Variants in RTN1 observed in about 807,000 individuals in gnomAD.
RTN1 encodes reticulon-1.
A neutral mutation model predicts 65.5 loss-of-function variants in RTN1; 25 were observed. The observed-to-expected ratio is 0.38, with a 90% CI of 0.28 to 0.53. The LOEUF is 0.53. Ranked by LOEUF, RTN1 falls within the 20% of genes least tolerant of loss-of-function variation. RTN1 has a pLI of 0.79. For missense variants in RTN1, 983 were observed against 1,025.4 expected (o/e 0.96, Z 0.57); for synonymous variants, 471 against 447.6 (o/e 1.05, Z -0.66).
In RTN1 at chr14:59,607,505, C is replaced by A; in HGVS notation, c.1766-13G>T. ...AACAGGTCAATAGCTGCAGGAGACA[C>A]CAAACACACCCAGCTGAGCTCCCGC... On this transcript the variant is annotated splice_polypyrimidine_tract_variant and intron_variant, in intron 3 of 8. Transcript: ENST00000267484. 2 of 1,588,832 alleles carry A rather than the reference C, an allele frequency of 1.3e-6. No homozygotes were observed. The highest frequency in any genetic ancestry group is 1.7e-6 in the Non-Finnish European group (2 of 1,167,186).
intron 3 of RTN1, among the ~76,000 whole-genome samples, chr14:59,632,883 C>T (rs1296698452): frequency 1.3e-5 from 2 of 151,942 alleles, no homozygotes; most frequent in Non-Finnish European, 2.9e-5. Flanking sequence ...ATCACTTGAG[C>T]CAGGAGCTCA....
intron 3 of RTN1, among the ~76,000 whole-genome samples, chr14:59,637,204 A>T (rs1566668621): frequency 1.3e-5 from 2 of 152,242 alleles, no homozygotes; most frequent in Non-Finnish European, 2.9e-5. Flanking sequence ...AACAGTGTTC[A>T]CAGCATCTTC....
intron 2 of RTN1, among the ~76,000 whole-genome samples, chr14:59,732,805 G>A (rs1342075777): frequency 6.6e-6 from 1 of 152,202 alleles, no homozygotes; most frequent in Non-Finnish European, 1.5e-5. Context: ...CAGAATCCAG[G>A]GAGCTGAGCA....
intron 1 of RTN1, among the ~76,000 whole-genome samples, chr14:59,813,411 A>C (rs1489740337): frequency 1.3e-5 from 2 of 152,212 alleles, no homozygotes; most frequent in African/African-American, 4.8e-5. Flanking sequence ...TACTGGCCAA[A>C]TTCAATTAAA....
chr14:59,818,091 A>T (rs529642192), intron 1 of RTN1, among the ~76,000 whole-genome samples: 3 of 152,276 alleles, frequency 2.0e-5, no homozygotes, highest in African/African-American at 7.2e-5. Flanking sequence ...TGTGTATTCA[A>T]TGTTTAGCTC....
chr14:59,837,720 G>A (rs946158531), intron 1 of RTN1, among the ~76,000 whole-genome samples: 4 of 150,908 alleles, frequency 2.7e-5, no homozygotes, highest in Admixed American at 1.3e-4. Flanking sequence ...CCATCAAATT[G>A]ATAAAAATTA....
chr14:59,782,414 A>G lies in RTN1; in HGVS notation c.242-35933T>C, dbSNP rs193161381. On this transcript the variant is annotated intron_variant, in intron 1 of 8. Coordinates refer to ENST00000267484, the MANE Select transcript of RTN1 (RefSeq NM_021136.3). Reference sequence around the variant, plus strand: ...ATCCTTGGTTTTGAACTTTTCTTTTACAGTGAAAAGTACCTGGGAGCAGAA... The same window carrying G: ...ATCCTTGGTTTTGAACTTTTCTTTTGCAGTGAAAAGTACCTGGGAGCAGAA... Among the ~76,000 whole-genome samples, 95 of 152,326 alleles carry G rather than the reference A, an allele frequency of 6.2e-4. 1 individual carries two copies. The highest frequency in any genetic ancestry group is 2.2e-4 in the Non-Finnish European group (15 of 68,030).
chr14:59,761,638 G>A (rs1885750061), intron 1 of RTN1, among the ~76,000 whole-genome samples: 2 of 152,130 alleles, frequency 1.3e-5, no homozygotes, highest in South Asian at 4.1e-4. Flanking sequence ...CCACAGTCTG[G>A]AATAATCCAC....
chr14:59,846,172 A>G lies in RTN1; in HGVS notation c.241+24218T>C, dbSNP rs1472931441. ...AATGTTACAGAATGAGGATGATGCAAGAAGAGAACCAGTACCACAGCTGTG... is the reference window on the plus strand; with the variant it reads ...AATGTTACAGAATGAGGATGATGCAGGAAGAGAACCAGTACCACAGCTGTG... On this transcript the variant is annotated intron_variant, in intron 1 of 8. Transcript: ENST00000267484. The surrounding 1 kb of genome is among the most constrained non-coding windows in gnomAD (Gnocchi z 4.8). Among the ~76,000 whole-genome samples the G allele has an allele frequency of 6.6e-6, 1 of 152,184 alleles. No individual in the cohort carries two copies. The highest frequency in any genetic ancestry group is 2.4e-5 in the African/African-American group (1 of 41,452).
intron 1 of RTN1, among the ~76,000 whole-genome samples, chr14:59,748,101 C>G (rs908928388): frequency 2.0e-4 from 31 of 151,836 alleles, no homozygotes; most frequent in African/African-American, 7.5e-4. Flanking sequence ...AATAACTCAC[C>G]TAAGATCTTA....
At chr14:59,705,141 A>T (rs966816060) in intron 3 of RTN1, among the ~76,000 whole-genome samples, 7 of 152,104 alleles carry the variant, frequency 4.6e-5, no homozygotes, top group Non-Finnish European at 1.0e-4. Context: ...CCTATTCCCA[A>T]ACTCAATTTT....
intron 3 of RTN1, among the ~76,000 whole-genome samples, chr14:59,659,105 C>T (rs1883186750): frequency 2.0e-5 from 3 of 150,824 alleles, no homozygotes; most frequent in Non-Finnish European, 4.4e-5. Context: ...TATCAATAGC[C>T]AAACTGATCA....
At chr14:59,641,138 G>T (rs771346953) in intron 3 of RTN1, among the ~76,000 whole-genome samples, 16 of 151,748 alleles carry the variant, frequency 1.1e-4, no homozygotes, top group Non-Finnish European at 1.6e-4. Context: ...TTTTTGGGGG[G>T]GGTATTTTTT....
chr14:59,749,256 CTATATATATCTATATA>C (rs1885320950), intron 1 of RTN1, among the ~76,000 whole-genome samples: 2 of 33,908 alleles, frequency 5.9e-5, no homozygotes, highest in Non-Finnish European at 9.3e-5. Flanking sequence ...ATCTATATAT[CTATATATATCTATATA>C]TATATCTATA....
chr14:59,819,386 A>G, intron 1 of RTN1, among the ~76,000 whole-genome samples: 1 of 105,954 alleles, frequency 9.4e-6, no homozygotes, highest in South Asian at 3.6e-4. Flanking sequence ...TTTTACAGAG[A>G]GCTGATTGGT....
intron 3 of RTN1, among the ~76,000 whole-genome samples, chr14:59,709,096 T>C (rs889498191): frequency 2.6e-5 from 4 of 152,198 alleles, no homozygotes; most frequent in African/African-American, 9.6e-5. Context: ...TTTTGTTAGA[T>C]GTAATAATGA....
rs1446202248 is a variant in RTN1, at chr14:59,749,679, CTA to C, written c.242-3200_242-3199del. Among the ~76,000 whole-genome samples the C allele has an allele frequency of 9.2e-4, 43 of 46,908 alleles. 1 individual carries two copies. Among genetic ancestry groups the C allele is most frequent in the African/African-American group, 4.2e-3 (42 of 9,972 alleles). The allele number at this position is 46,908 out of a possible 152,430, so 30.8% of individuals were successfully genotyped here. On this transcript the variant is annotated intron_variant, in intron 1 of 8. Coordinates refer to ENST00000267484, the MANE Select transcript of RTN1 (RefSeq NM_021136.3). Reference sequence around the variant, plus strand: ...TAGATATCTATATATATTTATATATCTATATATTTACATATATATCTATATAT... The same window carrying C: ...TAGATATCTATATATATTTATATATCTATATTTACATATATATCTATATAT...
intron 3 of RTN1, among the ~76,000 whole-genome samples, chr14:59,699,921 C>A (rs961100168): frequency 2.6e-5 from 4 of 152,086 alleles, no homozygotes; most frequent in East Asian, 3.9e-4. Context: ...GCTTTTCCTG[C>A]CAACAAATTA....
At chr14:59,863,988 T>A (rs943847498) in intron 1 of RTN1, among the ~76,000 whole-genome samples, 6 of 152,208 alleles carry the variant, frequency 3.9e-5, no homozygotes, top group African/African-American at 1.4e-4. Context: ...ATTATTGCAA[T>A]GGCCTACTAG....
Sources: gnomAD v4.1 joint callset for allele counts (sites outside exome capture counted in the v4.1 genomes callset) on GRCh38, gnomAD v4.1.1 for gene constraint, Gnocchi (gnomAD v3.1) non-coding constraint, MANE v1.5 for transcripts, NCBI Gene and HGNC (gene_info 2026-07-23, HGNC 2026-07-21) for gene names.